TMEM38A: variants seen among roughly 807,000 people sequenced by gnomAD.
TMEM38A encodes the protein trimeric intracellular cation channel type A.
In TMEM38A, 17 loss-of-function variants were observed where a neutral mutation model predicts 28.6. That is an observed-to-expected ratio of 0.60 (90% CI 0.41 to 0.89). TMEM38A has a LOEUF of 0.89. TMEM38A is among the 40% of genes least tolerant of loss of function. The pLI is 0.00. For synonymous variants in TMEM38A, 169 were observed against 166.1 expected (o/e 1.02, Z -0.14); for missense variants, 328 against 393.1 (o/e 0.83, Z 1.40).
At chr19:16,670,766 C>T (rs1334798045) in intron 1 of TMEM38A, among the ~76,000 whole-genome samples, 1 of 151,954 alleles carries the variant, frequency 6.6e-6, no homozygotes, top group African/African-American at 2.4e-5. Context: ...TGGAGAAATC[C>T]CATCTCTACT....
In TMEM38A at chr19:16,688,136, C is replaced by A; in HGVS notation, c.673-8C>A. On this transcript the variant is annotated splice_polypyrimidine_tract_variant and splice_region_variant and intron_variant, in intron 5 of 5. Coordinates refer to ENST00000187762, the MANE Select transcript of TMEM38A (RefSeq NM_024074.4). ...TCTCTTGCTGTCTCCCTGGCCACCC[C>A]ACCTCAGGTGTTTCTGACAGCCACC... is the stretch of plus-strand genomic sequence containing the variant. The A allele has an allele frequency of 7.0e-7, 1 of 1,428,350 alleles. No individual in the cohort carries two copies. The highest frequency in any genetic ancestry group is 1.6e-5 in the South Asian group (1 of 62,076). 88.5% of individuals were successfully genotyped at this position (1,428,350 alleles called of 1,614,324 possible).
chr19:16,681,617 AATC>A (rs1225146722), intron 3 of TMEM38A, among the ~76,000 whole-genome samples: 1 of 152,108 alleles, frequency 6.6e-6, no homozygotes, highest in Non-Finnish European at 1.5e-5. Context: ...CAAGACCTAG[AATC>A]ACCCTCCATT....
chr19:16,672,506 T>A (rs1268400668), intron 1 of TMEM38A, among the ~76,000 whole-genome samples: 4 of 143,182 alleles, frequency 2.8e-5, no homozygotes. Flanking sequence ...TGGAGTGCAG[T>A]GGTGTGACCT....
At chr19:16,687,074 C>T (rs2086804959) in intron 5 of TMEM38A, among the ~76,000 whole-genome samples, 1 of 152,152 alleles carries the variant, frequency 6.6e-6, no homozygotes, top group South Asian at 2.1e-4. Context: ...GGCACGGGGG[C>T]TCATGCCAAC....
intron 5 of TMEM38A, among the ~76,000 whole-genome samples, chr19:16,687,765 A>T (rs922931550): frequency 6.6e-6 from 1 of 151,994 alleles, no homozygotes; most frequent in African/African-American, 2.4e-5. Flanking sequence ...CAAAGGCCTT[A>T]CCTCCTAATA....
intron 1 of TMEM38A, among the ~76,000 whole-genome samples, chr19:16,668,773 T>C (rs957255257): frequency 2.0e-5 from 3 of 152,138 alleles, no homozygotes; most frequent in Non-Finnish European, 1.5e-5. Context: ...GGTTCCTCCA[T>C]GTCTTTTCAT....
At chr19:16,670,081 T>C (rs1194127941) in intron 1 of TMEM38A, among the ~76,000 whole-genome samples, 1 of 151,856 alleles carries the variant, frequency 6.6e-6, no homozygotes, top group African/African-American at 2.4e-5. Flanking sequence ...GCGATTCTCC[T>C]GCCTCAGCCT....
chr19:16,683,294 A>C (rs2086788969), intron 4 of TMEM38A, among the ~76,000 whole-genome samples: 1 of 152,132 alleles, frequency 6.6e-6, no homozygotes, highest in Admixed American at 6.6e-5. Flanking sequence ...CATTTTTAAA[A>C]GACCTTGTTG....
intron 4 of TMEM38A, among the ~76,000 whole-genome samples, chr19:16,685,701 C>T (rs2086798903): frequency 6.6e-6 from 1 of 152,212 alleles, no homozygotes; most frequent in South Asian, 2.1e-4. Flanking sequence ...TTGTTACTAC[C>T]TGGTGTGGCC....
chr19:16,675,190 C>T (rs1227155549), intron 1 of TMEM38A, among the ~76,000 whole-genome samples: 1 of 152,048 alleles, frequency 6.6e-6, no homozygotes, highest in Non-Finnish European at 1.5e-5. Context: ...CTCCTTGTGT[C>T]CTCATATGGT....
Position 16,686,389 on chromosome 19 carries a change from T to A in TMEM38A, c.656T>A (p.Phe219Tyr). The change falls in exon 5 of 6, where the codon TTC becomes TAC. Residue 219 changes from phenylalanine (F) to tyrosine (Y), a missense_variant. Phe to Tyr is a conservative substitution (Grantham distance 22). Transcript: ENST00000187762. ...KASLIFIFTL[F>Y]MVSCKVFLTA... ...AGCCTCATCTTCATCTTCACCTTGT[T>A]CATGGTGTCCTGTAAGGTAAGCCTT... 1 of 1,613,116 alleles carries A rather than the reference T, an allele frequency of 6.2e-7. No individual in the cohort carries two copies. Among genetic ancestry groups the A allele is most frequent in the Non-Finnish European group, 8.5e-7 (1 of 1,179,428 alleles).
chr19:16,670,899 A>G (rs2086724429), intron 1 of TMEM38A, among the ~76,000 whole-genome samples: 1 of 152,084 alleles, frequency 6.6e-6, no homozygotes, highest in Admixed American at 6.6e-5. Context: ...AGATCGCACC[A>G]CTACACTCCA....
In TMEM38A at chr19:16,661,381, T is replaced by G; in HGVS notation, c.124+40T>G. The G allele has an allele frequency of 5.6e-6, 8 of 1,440,988 alleles. No individual in the cohort carries two copies. The highest frequency in any genetic ancestry group is 6.5e-6 in the Non-Finnish European group (7 of 1,078,714). 89.3% of individuals were successfully genotyped at this position (1,440,988 alleles called of 1,614,324 possible). On this transcript the variant is annotated intron_variant, in intron 1 of 5. Transcript: ENST00000187762. The surrounding 1 kb of genome is among the most constrained non-coding windows in gnomAD (Gnocchi z 6.5). The stretch of plus-strand genomic sequence containing the variant: ...GGGGCTGGAGGGGACCGGCAGCGGG[T>G]GGCGCGGGCCGGGGCAGCTCGGGGG...
At chr19:16,671,200 G>GTTTTTTTTTTTTTTT (rs1568313636) in intron 1 of TMEM38A, among the ~76,000 whole-genome samples, 10 of 112,900 alleles carry the variant, frequency 8.9e-5, no homozygotes, top group East Asian at 2.9e-4. Flanking sequence ...AAGGACCTGG[G>GTTTTTTTTTTTTTTT]CTTTTTTTTT....
At chr19:16,685,894 G>A (rs888280148) in intron 4 of TMEM38A, among the ~76,000 whole-genome samples, 4 of 152,174 alleles carry the variant, frequency 2.6e-5, no homozygotes, top group South Asian at 2.1e-4. Flanking sequence ...GTGGCTGGGC[G>A]CAGTGGCTCA....
chr19:16,677,742 G>T (rs2086758440), intron 1 of TMEM38A, among the ~76,000 whole-genome samples: 1 of 152,120 alleles, frequency 6.6e-6, no homozygotes, highest in Non-Finnish European at 1.5e-5. Context: ...ATTTTTTGCA[G>T]AGGTGGGGTC....
chr19:16,663,135 G>T (rs1181967419), intron 1 of TMEM38A, among the ~76,000 whole-genome samples: 1 of 151,948 alleles, frequency 6.6e-6, no homozygotes, highest in Non-Finnish European at 1.5e-5. Context: ...AAAAAAATTA[G>T]CCAGGCATGG....
rs949633613 is a variant in TMEM38A, at chr19:16,674,320, G to A, written c.125-5664G>A. Among the ~76,000 whole-genome samples the A allele has an allele frequency of 4.2e-5, 6 of 144,194 alleles. No homozygotes were observed. The East Asian group carries it at 8.2e-4, about 20-fold the overall frequency. The allele number at this position is 144,194 out of a possible 152,430, so 94.6% of individuals were successfully genotyped here. A position where few individuals can be genotyped will look rare whatever the true frequency, so the allele number is the denominator to read the frequency against. Reference sequence around the variant, plus strand: ...GAATCACTTGAACCTAGGAGGAGGCGGAGATTGCAGTGAGCCGAGATCACA... The same window carrying A: ...GAATCACTTGAACCTAGGAGGAGGCAGAGATTGCAGTGAGCCGAGATCACA... On this transcript the variant is annotated intron_variant, in intron 1 of 5. Transcript: ENST00000187762.
chr19:16,680,311 A>G (rs1410922467), intron 2 of TMEM38A, 86 bp from the exon 3 acceptor site: 3 of 1,530,700 alleles, frequency 2.0e-6, no homozygotes, highest in Non-Finnish European at 2.7e-6. Context: ...CACGTTGGGG[A>G]GGGTGGTCTG....
Sources: gnomAD v4.1 joint callset for allele counts (sites outside exome capture counted in the v4.1 genomes callset) on GRCh38, gnomAD v4.1.1 for gene constraint, Gnocchi (gnomAD v3.1) non-coding constraint, MANE v1.5 for transcripts, NCBI Gene and HGNC (gene_info 2026-07-23, HGNC 2026-07-21) for gene names.